Variants in CNMD observed in about 807,000 individuals in gnomAD.
CNMD encodes the protein leukocyte cell-derived chemotaxin 1.
CNMD carries 30 observed loss-of-function variants against 37.5 expected under a neutral mutation model. The observed-to-expected ratio is 0.80, with a 90% CI of 0.60 to 1.09. CNMD has a LOEUF of 1.09. Among genes scored for constraint, CNMD ranks in the 50% least tolerant of loss-of-function variants. The pLI is 0.00. For synonymous variants in CNMD, 167 were observed against 148.2 expected (o/e 1.13, Z -0.92); for missense variants, 398 against 423.9 (o/e 0.94, Z 0.54).
At chr13:52,712,358 C>T (rs2138228779) in intron 5 of CNMD, among the ~76,000 whole-genome samples, 1 of 152,216 alleles carries the variant, frequency 6.6e-6, no homozygotes, top group African/African-American at 2.4e-5. Context: ...TTCTTAGTCC[C>T]TTGATTCTAT....
In CNMD at chr13:52,739,444, G is replaced by T; in HGVS notation, c.72+186C>A. 1.5e-6 allele frequency: 1 copy of T among 673,152 alleles called. No individual in the cohort carries two copies. Among genetic ancestry groups the T allele is most frequent in the Non-Finnish European group, 2.6e-6 (1 of 390,022 alleles). 41.7% of individuals were successfully genotyped at this position (673,152 alleles called of 1,614,324 possible). A position where few individuals can be genotyped will look rare whatever the true frequency, so the allele number is the denominator to read the frequency against. On this transcript the variant is annotated intron_variant, in intron 1 of 6. Transcript: ENST00000377962. This position sits in a 1 kb window ranked among gnomAD's most constrained non-coding sequence, Gnocchi z 5.4. ...GGCCACGGGACGTCCCTCCGCACCC[G>T]CCTGTGGATGCCGTGACCCCTGCAC... is the stretch of plus-strand genomic sequence containing the variant.
intron 3 of CNMD, among the ~76,000 whole-genome samples, chr13:52,727,273 A>G (rs1350511797): frequency 6.6e-6 from 1 of 151,256 alleles, no homozygotes; most frequent in African/African-American, 2.4e-5. Context: ...CGTCTCAAAT[A>G]AAAAAAAATG....
intron 5 of CNMD, among the ~76,000 whole-genome samples, chr13:52,710,369 C>T (rs142901520): frequency 2.4e-3 from 372 of 152,352 alleles, no homozygotes; most frequent in Non-Finnish European, 3.6e-3. Context: ...GTTACCCCAA[C>T]AGTTGTTGGC....
chr13:52,719,982 T>C (rs1356281910), intron 4 of CNMD, among the ~76,000 whole-genome samples: 1 of 152,216 alleles, frequency 6.6e-6, no homozygotes, highest in Non-Finnish European at 1.5e-5. Context: ...GTAGGTTTGG[T>C]TTTTTCACAT....
chr13:52,706,666 ACAAT>A (rs1327637098), intron 6 of CNMD, among the ~76,000 whole-genome samples: 1 of 152,152 alleles, frequency 6.6e-6, no homozygotes, highest in Non-Finnish European at 1.5e-5. Context: ...ATGTAGGAAA[ACAAT>A]CTCCAAAATA....
intron 3 of CNMD, among the ~76,000 whole-genome samples, chr13:52,724,756 G>A (rs1964544992): frequency 6.6e-6 from 1 of 151,988 alleles, no homozygotes; most frequent in Admixed American, 6.6e-5. Flanking sequence ...AATTAGCCGG[G>A]TGTGGTAGCG....
intron 3 of CNMD, among the ~76,000 whole-genome samples, chr13:52,727,593 C>A (rs1964596801): frequency 6.6e-6 from 1 of 151,868 alleles, no homozygotes; most frequent in South Asian, 2.1e-4. Context: ...ATATATATAT[C>A]CACAATGGAA....
chr13:52,736,424 T>C (rs1277566297), intron 2 of CNMD, among the ~76,000 whole-genome samples: 1 of 152,162 alleles, frequency 6.6e-6, no homozygotes, highest in African/African-American at 2.4e-5. Context: ...CCACCACGCC[T>C]GGCCTGCAGC....
intron 2 of CNMD, 95 bp from the exon 3 acceptor site, chr13:52,733,454 T>A: frequency 9.4e-7 from 1 of 1,063,356 alleles, no homozygotes; most frequent in Non-Finnish European, 1.5e-6. Context: ...GTCCATATGT[T>A]TCAGAGATAC....
chr13:52,738,612 T>A (rs909166133), intron 2 of CNMD, among the ~76,000 whole-genome samples: 1 of 152,110 alleles, frequency 6.6e-6, no homozygotes, highest in Non-Finnish European at 1.5e-5. Context: ...ATTCCTCCAC[T>A]ATCTTTGTCC....
At chr13:52,738,958 G>A in intron 2 of CNMD, 73 bp downstream of exon 2, 1 of 1,350,246 alleles carries the variant, frequency 7.4e-7, no homozygotes, top group East Asian at 3.0e-5. Context: ...CCCCTCGCCG[G>A]CCCGCGCTCG....
chr13:52,722,258 C>T (rs1300211631), intron 4 of CNMD, among the ~76,000 whole-genome samples: 12 of 152,162 alleles, frequency 7.9e-5, no homozygotes, highest in Admixed American at 7.9e-4. Context: ...TACAAACTCA[C>T]GGGTTTGTTT....
At chr13:52,728,281 G>A (rs912361035) in intron 3 of CNMD, among the ~76,000 whole-genome samples, 5 of 152,052 alleles carry the variant, frequency 3.3e-5, no homozygotes, top group African/African-American at 1.2e-4. Context: ...AGCTACTCGG[G>A]AGGCTGAGGC....
chr13:52,721,810 G>A (rs957737823), intron 4 of CNMD, among the ~76,000 whole-genome samples: 9 of 152,100 alleles, frequency 5.9e-5, no homozygotes, highest in Non-Finnish European at 1.2e-4. Flanking sequence ...TAAAAATCAG[G>A]GAAAAATGTA....
intron 5 of CNMD, 129 bp from the exon 6 acceptor site, chr13:52,708,831 T>G (rs542407481): frequency 1.5e-6 from 1 of 675,120 alleles, no homozygotes; most frequent in East Asian, 2.7e-5. Flanking sequence ...TTAAAATTTT[T>G]GTACTGATGT....
intron 3 of CNMD, among the ~76,000 whole-genome samples, chr13:52,728,440 G>C (rs534127707): frequency 1.3e-5 from 2 of 152,048 alleles, no homozygotes; most frequent in African/African-American, 4.8e-5. Flanking sequence ...CCCACCCCCA[G>C]TTTCCCATTC....
Position 52,726,252 on chromosome 13 carries a change from C to T in CNMD, c.355-2142G>A, listed in dbSNP as rs150517357. On this transcript the variant is annotated intron_variant, in intron 3 of 6. Transcript: ENST00000377962. ...AGGTATTGGGAGCCTTAAAAGCTCC[C>T]CAGGTGTTTATAATTTAAAGGGTTG... Among the ~76,000 whole-genome samples the T allele has an allele frequency of 4.3e-3, 651 of 152,240 alleles. 3 individuals are homozygous for T. The highest frequency in any genetic ancestry group is 0.014 in the African/African-American group (595 of 41,540).
intron 2 of CNMD, 161 bp from the exon 3 acceptor site, chr13:52,733,520 A>G: frequency 1.4e-6 from 1 of 734,428 alleles, no homozygotes. Flanking sequence ...TTCATACAAC[A>G]ATCAGTTAAT....
intron 4 of CNMD, among the ~76,000 whole-genome samples, chr13:52,716,639 T>A (rs1467331987): frequency 6.6e-6 from 1 of 152,192 alleles, no homozygotes; most frequent in African/African-American, 2.4e-5. Context: ...GTCAGGTTTG[T>A]CAAAGATCTG....
Sources: gnomAD v4.1 joint callset for allele counts (sites outside exome capture counted in the v4.1 genomes callset) on GRCh38, gnomAD v4.1.1 for gene constraint, Gnocchi (gnomAD v3.1) non-coding constraint, MANE v1.5 for transcripts, NCBI Gene and HGNC (gene_info 2026-07-23, HGNC 2026-07-21) for gene names.